Variants in SERPINB3 observed in about 807,000 individuals in gnomAD.
SERPINB3 encodes the protein serpin family B member 3.
Under a neutral mutation model 33.0 loss-of-function variants are expected in SERPINB3, and 33 were observed. The ratio of observed to expected loss-of-function variants is 1.00; its 90% CI spans 0.76 to 1.34. The LOEUF is 1.34. Ranked by LOEUF, SERPINB3 falls within the 40% of genes most tolerant of loss-of-function variation. The probability of loss-of-function intolerance (pLI) is 0.00; values close to 1 mark genes in which losing one functional copy is unlikely to be tolerated. For missense variants in SERPINB3, 518 were observed against 461.5 expected (o/e 1.12, Z -1.12); for synonymous variants, 200 against 170.9 (o/e 1.17, Z -1.33).
chr18:63,657,958 G>A (rs1913542101), intron 5 of SERPINB3, among the ~76,000 whole-genome samples: 1 of 151,854 alleles, frequency 6.6e-6, no homozygotes, highest in Non-Finnish European at 1.5e-5. Context: ...TGTAATGAGA[G>A]GTGGGAGGTA....
chr18:63,656,463 A>G (rs1913498889), intron 7 of SERPINB3, among the ~76,000 whole-genome samples: 1 of 152,192 alleles, frequency 6.6e-6, no homozygotes, highest in South Asian at 2.1e-4. Context: ...TTTAGTACAC[A>G]TTGCAATTAT....
Position 63,655,411 on chromosome 18 carries a change from C to T in SERPINB3, c.*246G>A, listed in dbSNP as rs570707316. 7 of 449,716 alleles carry T rather than the reference C, an allele frequency of 1.6e-5. No individual in the cohort carries two copies. In the South Asian group the frequency reaches 3.4e-4, roughly 22 times the overall value. The allele number at this position is 449,716 out of a possible 1,614,324, so 27.9% of individuals were successfully genotyped here. Reference sequence around the variant, plus strand: ...GAAGATACGGTATTAAGTGATTCATCTTATTTTGGACATTTTTCCTCAAGG... The same window carrying T: ...GAAGATACGGTATTAAGTGATTCATTTTATTTTGGACATTTTTCCTCAAGG... On this transcript the variant is annotated 3_prime_UTR_variant, in exon 8 of 8. Coordinates refer to ENST00000283752, the MANE Select transcript of SERPINB3 (RefSeq NM_006919.3).
rs1489004872 is a variant in SERPINB3 at position 63,661,142 on chromosome 18, G to T, written c.75C>A (p.Asn25Lys). 1 of 1,613,616 alleles carries T rather than the reference G, an allele frequency of 6.2e-7. No homozygotes were observed. The highest frequency in any genetic ancestry group is 1.1e-5 in the South Asian group (1 of 91,070). Residue 25 changes from asparagine (N) to lysine (K), a missense_variant, in exon 2 of 8, where the codon AAC becomes AAA. Transcript: ENST00000283752. ...TGCTGATAGGGGAATAGAAGATGTT[G>T]TTCTCTTTTGATTTTCTGAACTGTT... The part of the protein sequence containing the change: ...LFQQFRKSKE[N>K]NIFYSPISIT...
chr18:63,656,420 T>C (rs543902473), intron 7 of SERPINB3, among the ~76,000 whole-genome samples: 3 of 152,326 alleles, frequency 2.0e-5, no homozygotes, highest in East Asian at 1.9e-4. Flanking sequence ...TGTCAATTTT[T>C]AATAGGCTCA....
At chr18:63,660,280 T>A (rs1913607093) in intron 3 of SERPINB3, among the ~76,000 whole-genome samples, 1 of 152,192 alleles carries the variant, frequency 6.6e-6, no homozygotes, top group African/African-American at 2.4e-5. Flanking sequence ...AAAATATAGT[T>A]GGACTTGTGC....
At chr18:63,661,459 G>T (rs1383522202) in intron 1 of SERPINB3, among the ~76,000 whole-genome samples, 1 of 152,036 alleles carries the variant, frequency 6.6e-6, no homozygotes, top group Non-Finnish European at 1.5e-5. Context: ...TGTTTTTAAA[G>T]ACTACTGTAA....
Position 63,656,001 on chromosome 18 carries a change from C to G in SERPINB3, c.829G>C (p.Glu277Gln). ...GGTAAGTGTAAATCGACACGTGTCTCTCTCATATTCTGCAAACTTGTCCAT... is the reference window on the plus strand; with the variant it reads ...GGTAAGTGTAAATCGACACGTGTCTGTCTCATATTCTGCAAACTTGTCCAT... ...MEWTSLQNMR[E>Q]TRVDLHLPRF... Residue 277 changes from glutamate to glutamine, a missense_variant, in exon 8 of 8, where the codon GAG becomes CAG. Physicochemically the swap from Glu to Gln is conservative, Grantham distance 29. Transcript: ENST00000283752. 2 of 1,613,948 alleles carry G rather than the reference C, an allele frequency of 1.2e-6. No homozygotes were observed. The highest frequency in any genetic ancestry group is 2.2e-5 in the South Asian group (2 of 91,074).
intron 5 of SERPINB3, among the ~76,000 whole-genome samples, chr18:63,657,970 G>T (rs979856708): frequency 1.3e-5 from 2 of 151,866 alleles, no homozygotes; most frequent in East Asian, 3.9e-4. Flanking sequence ...TGGGAGGTAG[G>T]ATAGATGTCT....
In SERPINB3 at chr18:63,658,582, C is replaced by T. The variant is rs61754491; in HGVS notation, c.400G>A (p.Val134Ile). 0.011 allele frequency: 18,084 copies of T among 1,591,476 alleles called. 291 individuals are homozygous for T. The highest frequency in any genetic ancestry group is 0.014 in the Non-Finnish European group (15,940 of 1,159,510). Residue 134 changes from valine to isoleucine, a missense_variant, in exon 5 of 8, where the codon GTT (valine) becomes ATT (isoleucine). Transcript: ENST00000283752. ...KKFYQTSVES[V>I]DFANAPEESR... ...TCTTCTGGAGCATTTGCAAAATCAACAGATTCCACACTGGTCTGGTAAAAT... is the reference window on the plus strand; with the variant it reads ...TCTTCTGGAGCATTTGCAAAATCAATAGATTCCACACTGGTCTGGTAAAAT...
intron 1 of SERPINB3, 30 bp from the exon 2 acceptor site, chr18:63,661,272 G>T: frequency 1.3e-6 from 2 of 1,566,150 alleles, no homozygotes; most frequent in South Asian, 1.2e-5. Flanking sequence ...CTGTCAGAAT[G>T]ACTTTAATAA....
intron 3 of SERPINB3, among the ~76,000 whole-genome samples, chr18:63,660,337 T>G (rs1180372168): frequency 6.6e-6 from 1 of 152,186 alleles, no homozygotes; most frequent in African/African-American, 2.4e-5. Flanking sequence ...TTAAATATTT[T>G]GCAACATTAT....
Position 63,656,487 on chromosome 18 carries a change from C to G in SERPINB3, c.768+344G>C, listed in dbSNP as rs375435955. Among the ~76,000 whole-genome samples, 4 of 152,024 alleles carry G rather than the reference C, an allele frequency of 2.6e-5. No homozygotes were observed. The East Asian group carries it at 7.7e-4, about 29-fold the overall frequency. ...CATTGCAATTATTAAATTGCAATTC[C>G]CCAAATTCCTAAATTTCTATTCCCT... is the stretch of plus-strand genomic sequence containing the variant. On this transcript the variant is annotated intron_variant, in intron 7 of 7. Coordinates refer to ENST00000283752, the MANE Select transcript of SERPINB3 (RefSeq NM_006919.3).
intron 7 of SERPINB3, 57 bp downstream of exon 7, chr18:63,656,774 G>C (rs1013238803): frequency 2.5e-5 from 39 of 1,530,148 alleles, no homozygotes; most frequent in Admixed American, 1.6e-4. Context: ...TTTAAACTTG[G>C]TATCTTTGGA....
chr18:63,657,945 G>A (rs752776875), intron 5 of SERPINB3, among the ~76,000 whole-genome samples: 6 of 151,882 alleles, frequency 4.0e-5, no homozygotes, highest in Non-Finnish European at 8.8e-5. Context: ...TGTAAGTTTG[G>A]CCTGTAATGA....
intron 7 of SERPINB3, 146 bp from the exon 8 acceptor site, chr18:63,656,207 T>G: frequency 1.0e-6 from 1 of 982,712 alleles, no homozygotes; most frequent in Non-Finnish European, 1.5e-6. Flanking sequence ...ATTATTCTAA[T>G]AGGCAAAATA....
At chr18:63,656,745 G>A in intron 7 of SERPINB3, 86 bp downstream of exon 7, 1 of 1,440,578 alleles carries the variant, frequency 6.9e-7, no homozygotes, top group Non-Finnish European at 9.3e-7. Flanking sequence ...AGGCAACTCG[G>A]TCACCAGCTT....
chr18:63,659,452 C>T lies in SERPINB3; in HGVS notation c.298G>A (p.Glu100Lys), dbSNP rs1185057024. 1.4e-5 allele frequency: 22 copies of T among 1,613,640 alleles called. No individual in the cohort carries two copies. Among genetic ancestry groups the T allele is most frequent in the Non-Finnish European group, 1.7e-5 (20 of 1,179,690 alleles). Reference sequence around the variant, plus strand: ...AAGAGCTTGTTGGCGATCTTCAGCTCATATGCATCAGTGGATTTGTTGAAT... The same window carrying T: ...AAGAGCTTGTTGGCGATCTTCAGCTTATATGCATCAGTGGATTTGTTGAAT... The part of the protein sequence containing the change: ...TEFNKSTDAY[E>K]LKIANKLFGE... Residue 100 changes from glutamate to lysine, a missense_variant, in exon 4 of 8, where the codon GAG (glutamate) becomes AAG (lysine). Transcript: ENST00000283752.
intron 1 of SERPINB3, 95 bp from the exon 2 acceptor site, chr18:63,661,337 T>A: frequency 1.5e-6 from 2 of 1,360,720 alleles, no homozygotes; most frequent in Non-Finnish European, 2.0e-6. Context: ...ATCTGTGTTG[T>A]GAGATTTTGA....
In SERPINB3 at chr18:63,658,497, T is replaced by G. The variant is rs780975778; in HGVS notation, c.469+16A>C. On this transcript the variant is annotated intron_variant, in intron 5 of 7. Transcript: ENST00000283752. ...AGATTTCTCAAAGGTGTTTCTATAATGGGTGGCTCTCCTACCATTCGTTTG... is the reference window on the plus strand; with the variant it reads ...AGATTTCTCAAAGGTGTTTCTATAAGGGGTGGCTCTCCTACCATTCGTTTG... 1.9e-6 allele frequency: 3 copies of G among 1,598,518 alleles called. No individual in the cohort carries two copies. The highest frequency in any genetic ancestry group is 2.6e-6 in the Non-Finnish European group (3 of 1,167,094).
Sources: gnomAD v4.1 joint callset for allele counts (sites outside exome capture counted in the v4.1 genomes callset) on GRCh38, gnomAD v4.1.1 for gene constraint, MANE v1.5 for transcripts, NCBI Gene and HGNC (gene_info 2026-07-23, HGNC 2026-07-21) for gene names.